Variants in CLDN11 observed in about 807,000 individuals in gnomAD.
The protein encoded by CLDN11 is claudin 11.
Under a neutral mutation model 18.0 loss-of-function variants are expected in CLDN11, and 1 was observed. The observed-to-expected ratio is 0.06, with a 90% CI of 0.02 to 0.26. The LOEUF is 0.26. CLDN11 is among the 10% of genes least tolerant of loss of function. The pLI is 1.00. For missense variants in CLDN11, 172 were observed against 276.6 expected, an observed-to-expected ratio of 0.62 and a Z score of 2.68; for synonymous variants, 116 against 121.5, an observed-to-expected ratio of 0.96 and a Z score of 0.30.
chr3:170,424,964 G>A (rs1738816254), intron 2 of CLDN11, among the ~76,000 whole-genome samples: 1 of 151,864 alleles, frequency 6.6e-6, no homozygotes, highest in Non-Finnish European at 1.5e-5. Context: ...TGTGTTAACA[G>A]GAGTGAAAAG....
At chr3:170,426,656 C>T (rs1012113924) in intron 2 of CLDN11, among the ~76,000 whole-genome samples, 3 of 152,200 alleles carry the variant, frequency 2.0e-5, no homozygotes, top group Admixed American at 2.0e-4. Context: ...AATTATTTAG[C>T]ATAGGATCTG....
chr3:170,425,071 C>T (rs915359607), intron 2 of CLDN11, among the ~76,000 whole-genome samples: 1 of 152,264 alleles, frequency 6.6e-6, no homozygotes, highest in Non-Finnish European at 1.5e-5. Flanking sequence ...TATCAGCATC[C>T]GGTGCTTTAT....
Position 170,433,836 on chromosome 3 carries a change from G to C in CLDN11, c.*1080G>C, listed in dbSNP as rs1030891412. 5 of 152,622 alleles carry C rather than the reference G, an allele frequency of 3.3e-5. No individual in the cohort carries two copies. The highest frequency in any genetic ancestry group is 1.2e-4 in the African/African-American group (5 of 41,442). 9.5% of individuals were successfully genotyped at this position (152,622 alleles called of 1,614,324 possible). A position where few individuals can be genotyped will look rare whatever the true frequency, so the allele number is the denominator to read the frequency against. On this transcript the variant is annotated 3_prime_UTR_variant, in exon 3 of 3. Coordinates refer to ENST00000064724, the MANE Select transcript of CLDN11 (RefSeq NM_005602.6). ...ACAAAACATTTTTGATTTCAGGTTT[G>C]TATGATGTAGTTTTTAATCGTACAT...
At chr3:170,426,733 A>G (rs1738863516) in intron 2 of CLDN11, among the ~76,000 whole-genome samples, 1 of 152,212 alleles carries the variant, frequency 6.6e-6, no homozygotes, top group Non-Finnish European at 1.5e-5. Context: ...TGGTTAAAAG[A>G]ATACCCAGAG....
At chr3:170,427,973 A>G (rs1738900244) in intron 2 of CLDN11, among the ~76,000 whole-genome samples, 1 of 151,934 alleles carries the variant, frequency 6.6e-6, no homozygotes, top group South Asian at 2.1e-4. Flanking sequence ...CCTGGCCAAC[A>G]TGGCAAAACC....
chr3:170,428,419 T>C (rs1355747947), intron 2 of CLDN11, among the ~76,000 whole-genome samples: 4 of 152,250 alleles, frequency 2.6e-5, no homozygotes, highest in Non-Finnish European at 5.9e-5. Flanking sequence ...CACATCACCA[T>C]CATTCTTAGT....
chr3:170,424,023 C>CA (rs58373106), intron 2 of CLDN11, among the ~76,000 whole-genome samples: 54,312 of 120,000 alleles, frequency 0.45, 12,104 homozygotes, highest in South Asian at 0.5. Context: ...AGTGCAACTC[C>CA]AAAAAAAAAA....
At position 170,433,007 on chromosome 3, in the gene CLDN11, T is replaced by C. The variant is rs1175771411; in HGVS notation, c.*251T>C. 9.9e-6 allele frequency: 4 copies of C among 405,142 alleles called. No individual in the cohort carries two copies. The highest frequency in any genetic ancestry group is 1.3e-5 in the Non-Finnish European group (3 of 224,040). 25.1% of individuals were successfully genotyped at this position (405,142 alleles called of 1,614,324 possible). On this transcript the variant is annotated 3_prime_UTR_variant, in exon 3 of 3. Coordinates refer to ENST00000064724, the MANE Select transcript of CLDN11 (RefSeq NM_005602.6). The stretch of plus-strand genomic sequence containing the variant: ...CCCTTGGTGTTGCCCCTATTAGCTC[T>C]TTTCTTGGGCATTCTTTTGCTGTTT...
chr3:170,427,602 C>T (rs1306020602), intron 2 of CLDN11, among the ~76,000 whole-genome samples: 2 of 151,836 alleles, frequency 1.3e-5, no homozygotes, highest in African/African-American at 4.8e-5. Flanking sequence ...GCCTGGGCAA[C>T]GAGAGCAAAA....
At chr3:170,430,486 C>T (rs1056933263) in intron 2 of CLDN11, among the ~76,000 whole-genome samples, 2 of 151,624 alleles carry the variant, frequency 1.3e-5, no homozygotes, top group Admixed American at 6.6e-5. Flanking sequence ...ACTGTGCTTA[C>T]TTTTTAAGAA....
intron 2 of CLDN11, among the ~76,000 whole-genome samples, chr3:170,429,598 T>C (rs960195800): frequency 6.6e-5 from 10 of 152,224 alleles, no homozygotes; most frequent in African/African-American, 1.9e-4. Context: ...TTCTGATTTT[T>C]CCCTTTTTCT....
At chr3:170,428,111 C>G (rs143572450) in intron 2 of CLDN11, among the ~76,000 whole-genome samples, 1,673 of 150,764 alleles carry the variant, frequency 0.011, 35 homozygotes, top group African/African-American at 0.039. Context: ...TGCACCACTG[C>G]CCTCCAGCCT....
chr3:170,423,277 T>C lies in CLDN11; in HGVS notation c.341T>C (p.Val114Ala). The change falls in exon 2 of 3, where the codon GTG (valine) becomes GCG (alanine). Residue 114 changes from valine to alanine, a missense_variant. This residue lies in a region of CLDN11 where 161 missense variants were observed against 240.3 expected (regional missense o/e 0.67). Transcript: ENST00000064724. ...PCIRMGQEPGVAKYRRAQLAG... is the reference protein window; with the variant it reads ...PCIRMGQEPGAAKYRRAQLAG... The stretch of plus-strand genomic sequence containing the variant: ...ATCCGGATGGGCCAGGAGCCCGGTG[T>C]GGCTAAGTACAGGCGGGCCCAGCTG... 6.2e-7 allele frequency: 1 copy of C among 1,614,184 alleles called. No homozygotes were observed. The highest frequency in any genetic ancestry group is 1.7e-5 in the Admixed American group (1 of 60,024).
At position 170,419,831 on chromosome 3, in the gene CLDN11, C is replaced by T. The variant is rs1010671719; in HGVS notation, c.226+539C>T. Among the ~76,000 whole-genome samples the T allele has an allele frequency of 1.3e-5, 2 of 152,286 alleles. No individual in the cohort carries two copies. Among genetic ancestry groups the T allele is most frequent in the Admixed American group, 1.3e-4 (2 of 15,288 alleles). Reference sequence around the variant, plus strand: ...GCCCTCCTAGCTCCGTCCGCGCAGCCGCTGAGCAATTCACGTCCAGGGCTC... The same window carrying T: ...GCCCTCCTAGCTCCGTCCGCGCAGCTGCTGAGCAATTCACGTCCAGGGCTC... On this transcript the variant is annotated intron_variant, in intron 1 of 2. Coordinates refer to ENST00000064724, the MANE Select transcript of CLDN11 (RefSeq NM_005602.6). This position sits in a 1 kb window ranked among gnomAD's most constrained non-coding sequence, Gnocchi z 8.6.
intron 2 of CLDN11, among the ~76,000 whole-genome samples, chr3:170,430,285 G>C (rs1191458345): frequency 6.6e-6 from 1 of 152,196 alleles, no homozygotes; most frequent in African/African-American, 2.4e-5. Flanking sequence ...AATTCTCCAA[G>C]AGTGCCTGAT....
chr3:170,428,716 T>G (rs539900775), intron 2 of CLDN11, among the ~76,000 whole-genome samples: 98 of 152,340 alleles, frequency 6.4e-4, no homozygotes, highest in African/African-American at 2.1e-3. Context: ...CCTTGTGTAG[T>G]TAGCTGTTGC....
chr3:170,432,506 C>T lies in CLDN11; in HGVS notation c.392-18C>T, dbSNP rs764329420. The T allele has an allele frequency of 1.2e-6, 2 of 1,610,678 alleles. No homozygotes were observed. Among genetic ancestry groups the T allele is most frequent in the Admixed American group, 1.7e-5 (1 of 60,024 alleles). On this transcript the variant is annotated intron_variant, in intron 2 of 2. Transcript: ENST00000064724. ...TGTGATGGTTGCGCCCAGTCACCGC[C>T]TCTCCATGTCTCTCCAGCTCTCTGC...
intron 2 of CLDN11, among the ~76,000 whole-genome samples, chr3:170,425,998 G>A (rs544828925): frequency 2.6e-5 from 4 of 152,218 alleles, no homozygotes; most frequent in Non-Finnish European, 2.9e-5. Flanking sequence ...GGCTCCCTTT[G>A]TGTTGCTCTG....
chr3:170,431,348 G>T (rs1356729902), intron 2 of CLDN11, among the ~76,000 whole-genome samples: 2 of 152,000 alleles, frequency 1.3e-5, no homozygotes, highest in Non-Finnish European at 2.9e-5. Context: ...AAACCTCATT[G>T]TTATTATTAT....
Sources: gnomAD v4.1 joint callset for allele counts (sites outside exome capture counted in the v4.1 genomes callset) on GRCh38, gnomAD v4.1.1 for gene constraint, gnomAD v4.1.1 regional missense constraint, Gnocchi (gnomAD v3.1) non-coding constraint, MANE v1.5 for transcripts, NCBI Gene and HGNC (gene_info 2026-07-23, HGNC 2026-07-21) for gene names.